The following SAMD3 variants were observed in gnomAD, a reference collection of about 807,000 sequenced individuals.
The protein encoded by SAMD3 is sterile alpha motif domain containing 3, also known as sterile alpha motif domain-containing protein 3.
In SAMD3, 63 loss-of-function variants were observed where a neutral mutation model predicts 58.5. The observed-to-expected ratio is 1.08, with a 90% CI of 0.88 to 1.33. The LOEUF is 1.33. Ranked by LOEUF, SAMD3 falls within the 40% of genes most tolerant of loss-of-function variation. SAMD3 has a pLI of 0.00. For missense variants in SAMD3, 604 were observed against 608.4 expected, an observed-to-expected ratio of 0.99 and a Z score of 0.08; for synonymous variants, 220 against 210.3, an observed-to-expected ratio of 1.05 and a Z score of -0.40.
chr6:130,359,171 A>G (rs1320734032), intron 1 of SAMD3, among the ~76,000 whole-genome samples: 3 of 152,250 alleles, frequency 2.0e-5, no homozygotes, highest in Non-Finnish European at 2.9e-5. Context: ...TGCCCATTTC[A>G]TAGTAAGTAC....
chr6:130,267,262 G>A (rs529477904), intron 2 of SAMD3, among the ~76,000 whole-genome samples: 24 of 152,274 alleles, frequency 1.6e-4, no homozygotes, highest in South Asian at 1.5e-3. Flanking sequence ...AGCACTAGGA[G>A]GATTTAAAAC....
intron 8 of SAMD3, among the ~76,000 whole-genome samples, chr6:130,166,544 C>T (rs6939344): frequency 0.88 from 133,479 of 152,228 alleles, 58,809 homozygotes; most frequent in East Asian, 0.98. Flanking sequence ...TCTTATTCCA[C>T]TGGTCTATCA....
At chr6:130,300,223 A>C (rs991949904) in intron 2 of SAMD3, among the ~76,000 whole-genome samples, 1 of 152,192 alleles carries the variant, frequency 6.6e-6, no homozygotes, top group Non-Finnish European at 1.5e-5. Flanking sequence ...CTACTAGCAA[A>C]CCAAATCCAG....
intron 2 of SAMD3, among the ~76,000 whole-genome samples, chr6:130,241,978 A>AT (rs1773373489): frequency 6.6e-6 from 1 of 152,152 alleles, no homozygotes; most frequent in Admixed American, 6.5e-5. Context: ...GAGACCTGAT[A>AT]TTTTTCAGGA....
chr6:130,261,964 GAGAA>G (rs956124516), intron 2 of SAMD3, among the ~76,000 whole-genome samples: 5 of 151,628 alleles, frequency 3.3e-5, no homozygotes, highest in Non-Finnish European at 5.9e-5. Flanking sequence ...AGACAGAGAG[GAGAA>G]AGAGAGAGGC....
Position 130,167,523 on chromosome 6 carries a change from T to C in SAMD3, c.822+8318A>G, listed in dbSNP as rs533760203. ...CAGTTCCACACAATTCCTGTAAGCT[T>C]TTAAATCCAACATTTTCATTATTTT... On this transcript the variant is annotated intron_variant, in intron 8 of 11. Transcript: ENST00000439090. 2.0e-5 allele frequency among the ~76,000 whole-genome samples: 3 copies of C among 152,354 alleles called. No individual in the cohort carries two copies. In the East Asian group the frequency reaches 5.8e-4, roughly 29 times the overall value.
chr6:130,216,700 G>A (rs1796023563), intron 1 of SAMD3, 84 bp from the exon 2 acceptor site: 1 of 152,112 alleles, frequency 6.6e-6, no homozygotes, highest in Non-Finnish European at 1.5e-5. Flanking sequence ...GAAAACAAGG[G>A]TTAAATATAG....
At chr6:130,264,887 C>A (rs895368978) in intron 2 of SAMD3, among the ~76,000 whole-genome samples, 14 of 152,084 alleles carry the variant, frequency 9.2e-5, no homozygotes, top group Admixed American at 3.9e-4. Context: ...GAGTTTTAAC[C>A]CAGACTGTAG....
downstream of SAMD3, chr6:130,144,260 T>C: frequency 2.2e-6 from 1 of 448,650 alleles, no homozygotes; most frequent in Non-Finnish European, 3.9e-6. Flanking sequence ...GAGGCACCTC[T>C]GAAAATATAA....
chr6:130,287,802 G>A (rs1283514696), intron 2 of SAMD3, among the ~76,000 whole-genome samples: 1 of 152,038 alleles, frequency 6.6e-6, no homozygotes, highest in African/African-American at 2.4e-5. Context: ...AAATTAGCAC[G>A]GGCATGGTGT....
At chr6:130,285,966 C>G (rs1441681019) in intron 2 of SAMD3, among the ~76,000 whole-genome samples, 1 of 152,130 alleles carries the variant, frequency 6.6e-6, no homozygotes, top group Non-Finnish European at 1.5e-5. Flanking sequence ...AGTTTGTTGT[C>G]ATAATAAAAA....
At chr6:130,158,825 C>T (rs1014980482) in intron 8 of SAMD3, among the ~76,000 whole-genome samples, 11 of 152,272 alleles carry the variant, frequency 7.2e-5, no homozygotes, top group East Asian at 1.9e-4. Context: ...ACTGGTGACT[C>T]GGTTTACACC....
At chr6:130,144,220 G>A (rs113444892), downstream of SAMD3, 641 of 340,338 alleles carry the variant, frequency 1.9e-3, 2 homozygotes, top group African/African-American at 0.013. Context: ...TAACCTGAAG[G>A]ATTTGAGTAC....
chr6:130,191,897 C>T (rs1219785465), intron 5 of SAMD3, among the ~76,000 whole-genome samples: 1 of 152,232 alleles, frequency 6.6e-6, no homozygotes, highest in Non-Finnish European at 1.5e-5. Flanking sequence ...CAGATCCAGT[C>T]CAGACACAAG....
In SAMD3 at chr6:130,170,952, G is replaced by T. The variant is rs555487203; in HGVS notation, c.822+4889C>A. 1.3e-4 allele frequency among the ~76,000 whole-genome samples: 20 copies of T among 152,274 alleles called. No individual in the cohort carries two copies. In the South Asian group the frequency reaches 3.9e-3, roughly 30 times the overall value. On this transcript the variant is annotated intron_variant, in intron 8 of 11. Transcript: ENST00000439090. ...CTTTATTTCTTTCTCTTGCCTGACT[G>T]CTCAGGCCAGAACTTCCAATACTAT...
rs149223985 is a variant in SAMD3 at position 130,188,389 on chromosome 6, G to A, written c.384-3766C>T. Among the ~76,000 whole-genome samples the A allele has an allele frequency of 7.8e-4, 119 of 152,326 alleles. 1 individual carries two copies. Among genetic ancestry groups the A allele is most frequent in the African/African-American group, 2.7e-3 (112 of 41,574 alleles). Reference sequence around the variant, plus strand: ...TTTAATCTCCAGTATATATAACATTGCTTAGCAGAGTTGATAACACAGTGA... The same window carrying A: ...TTTAATCTCCAGTATATATAACATTACTTAGCAGAGTTGATAACACAGTGA... On this transcript the variant is annotated intron_variant, in intron 5 of 11. Transcript: ENST00000439090.
chr6:130,203,046 G>A (rs903104923), intron 5 of SAMD3, among the ~76,000 whole-genome samples: 4 of 152,156 alleles, frequency 2.6e-5, no homozygotes, highest in African/African-American at 7.2e-5. Flanking sequence ...GGTGTCCCAG[G>A]CCTTTTGGGA....
chr6:130,312,813 C>T (rs1262737469), intron 2 of SAMD3, among the ~76,000 whole-genome samples: 1 of 151,670 alleles, frequency 6.6e-6, no homozygotes, highest in Non-Finnish European at 1.5e-5. Flanking sequence ...ACACACATAT[C>T]TTTTGTTTGT....
chr6:130,208,800 C>T (rs1795288165), intron 5 of SAMD3, among the ~76,000 whole-genome samples: 2 of 152,038 alleles, frequency 1.3e-5, no homozygotes, highest in Admixed American at 6.6e-5. Flanking sequence ...TTGACTCATC[C>T]TAAATCCATC....
Sources: gnomAD v4.1 joint callset for allele counts (sites outside exome capture counted in the v4.1 genomes callset) on GRCh38, gnomAD v4.1.1 for gene constraint, MANE v1.5 for transcripts, NCBI Gene and HGNC (gene_info 2026-07-23, HGNC 2026-07-21) for gene names.